Variants in GNG7 observed in about 807,000 individuals in gnomAD.
GNG7 encodes the protein guanine nucleotide-binding protein G(I)/G(S)/G(O) subunit gamma-7.
In GNG7, 1 loss-of-function variant was observed where a neutral mutation model predicts 4.0. The observed-to-expected ratio is 0.25, with a 90% CI of 0.09 to 1.18. The LOEUF (loss-of-function observed/expected upper bound fraction) is 1.18, where lower values mean the gene tolerates loss of function less well. Among genes scored for constraint, GNG7 ranks in the 50% most tolerant of loss-of-function variants. The pLI, the probability that GNG7 is intolerant of heterozygous loss-of-function variation, is 0.50. For synonymous variants in GNG7, 34 were observed against 36.9 expected, an observed-to-expected ratio of 0.92 and a Z score of 0.29; for missense variants, 86 against 91.9, an observed-to-expected ratio of 0.94 and a Z score of 0.26.
At chr19:2,583,517 T>C (rs1046180999) in intron 2 of GNG7, among the ~76,000 whole-genome samples, 1 of 152,126 alleles carries the variant, frequency 6.6e-6, no homozygotes, top group Non-Finnish European at 1.5e-5. Context: ...CAAGACCCCT[T>C]GTTGGTGCAG....
chr19:2,638,689 A>G (rs1276208937), intron 2 of GNG7, among the ~76,000 whole-genome samples: 2 of 144,986 alleles, frequency 1.4e-5, no homozygotes, highest in African/African-American at 5.2e-5. Context: ...TGCCAGGAGC[A>G]CCCCCCAGTC....
rs114514481 is a variant in GNG7, at chr19:2,700,316, T to A, written c.-135+2330A>T. On this transcript the variant is annotated intron_variant, in intron 1 of 4. Coordinates refer to ENST00000382159, the MANE Select transcript of GNG7 (RefSeq NM_052847.3). ...GCCACTATGCCCAGCTAATTTTTGA[T>A]ATTTTTAGTAGAGACAGGTTTTCGC... Among the ~76,000 whole-genome samples the A allele has an allele frequency of 6.4e-3, 971 of 152,198 alleles. 11 individuals are homozygous for A. The highest frequency in any genetic ancestry group is 0.022 in the African/African-American group (910 of 41,518).
chr19:2,673,873 A>G (rs375429589), intron 1 of GNG7, among the ~76,000 whole-genome samples: 5 of 152,200 alleles, frequency 3.3e-5, no homozygotes, highest in African/African-American at 1.2e-4. Flanking sequence ...TATATTTCCA[A>G]TATATTTCAG....
chr19:2,545,009 T>C (rs1485424039), intron 3 of GNG7, among the ~76,000 whole-genome samples: 1 of 152,170 alleles, frequency 6.6e-6, no homozygotes, highest in Non-Finnish European at 1.5e-5. Context: ...ACTCCTGGGA[T>C]TCACCTCCTC....
intron 2 of GNG7, among the ~76,000 whole-genome samples, chr19:2,580,392 G>C (rs1980469441): frequency 6.6e-6 from 1 of 151,148 alleles, no homozygotes; most frequent in African/African-American, 2.4e-5. Flanking sequence ...CTGGTTTCAA[G>C]AGATTCTCCT....
chr19:2,595,370 G>C (rs901429477), intron 2 of GNG7: 1 of 151,792 alleles, frequency 6.6e-6, no homozygotes, highest in African/African-American at 2.4e-5. Flanking sequence ...TCAGTTGATT[G>C]ATCCACACAC....
At chr19:2,678,220 T>C (rs562831912) in intron 1 of GNG7, among the ~76,000 whole-genome samples, 9 of 152,148 alleles carry the variant, frequency 5.9e-5, no homozygotes, top group Admixed American at 2.0e-4. Flanking sequence ...GGTGTGACTG[T>C]GGTCACTTCC....
At chr19:2,528,544 G>C (rs1180097268) in intron 3 of GNG7, among the ~76,000 whole-genome samples, 2 of 151,990 alleles carry the variant, frequency 1.3e-5, no homozygotes, top group East Asian at 1.9e-4. Context: ...TTTCCAAAAG[G>C]GCTTTAATTT....
chr19:2,654,005 G>T (rs2144869557), intron 1 of GNG7, among the ~76,000 whole-genome samples: 1 of 152,342 alleles, frequency 6.6e-6, no homozygotes, highest in African/African-American at 2.4e-5. Flanking sequence ...CTGGGACACA[G>T]ATGCTCTCCT....
chr19:2,670,009 C>CAAA (rs796312127), intron 1 of GNG7, among the ~76,000 whole-genome samples: 7 of 78,098 alleles, frequency 9.0e-5, no homozygotes, highest in African/African-American at 2.1e-4. Flanking sequence ...GACTCTGTCT[C>CAAA]AAAAAAAAAA....
chr19:2,589,308 C>T (rs58229248), intron 2 of GNG7, among the ~76,000 whole-genome samples: 12,057 of 150,578 alleles, frequency 0.08, 1,621 homozygotes, highest in African/African-American at 0.28. Context: ...CTGTAACCTC[C>T]GCCTCCTGGG....
At chr19:2,563,571 C>T (rs971861236) in intron 2 of GNG7, among the ~76,000 whole-genome samples, 2 of 151,932 alleles carry the variant, frequency 1.3e-5, no homozygotes, top group Non-Finnish European at 2.9e-5. Context: ...CCTCTGACTC[C>T]CGGGTTCAAG....
intron 1 of GNG7, among the ~76,000 whole-genome samples, chr19:2,661,167 T>A (rs1179989287): frequency 7.1e-6 from 1 of 140,164 alleles, no homozygotes; most frequent in South Asian, 2.2e-4. Context: ...GCCAAGATCG[T>A]GCCACTGCAC....
intron 2 of GNG7, among the ~76,000 whole-genome samples, chr19:2,564,992 A>T (rs1001229762): frequency 6.6e-6 from 1 of 151,324 alleles, no homozygotes; most frequent in African/African-American, 2.4e-5. Context: ...GGAGGTTGAG[A>T]CCACTCTGGT....
chr19:2,656,411 G>A (rs1339500086), intron 1 of GNG7, among the ~76,000 whole-genome samples: 2 of 152,188 alleles, frequency 1.3e-5, no homozygotes, highest in Non-Finnish European at 2.9e-5. Flanking sequence ...AGACCAGCCT[G>A]GCCAACATGG....
chr19:2,652,722 G>C (rs774749919), intron 1 of GNG7, among the ~76,000 whole-genome samples: 7 of 152,066 alleles, frequency 4.6e-5, no homozygotes, highest in Non-Finnish European at 1.0e-4. Flanking sequence ...GGGGTCAGAG[G>C]ATACATAGTT....
At chr19:2,604,145 G>A (rs1018689035) in intron 2 of GNG7, among the ~76,000 whole-genome samples, 9 of 151,494 alleles carry the variant, frequency 5.9e-5, no homozygotes, top group Non-Finnish European at 1.2e-4. Flanking sequence ...CCACCGTGCC[G>A]GGTCTCGAGA....
chr19:2,548,861 C>T (rs924746564), intron 3 of GNG7, among the ~76,000 whole-genome samples: 53 of 151,830 alleles, frequency 3.5e-4, no homozygotes, highest in Non-Finnish European at 2.6e-4. Flanking sequence ...ACCCTAATGT[C>T]AGAGATGCTG....
rs906027834 is a variant in GNG7, at chr19:2,513,567, C to A, written c.*1455G>T. ...TTCCACTTGCCGCTGGGAGGAGTGG[C>A]CCATCCTGCGTCTAAGGCATCTCCC... On this transcript the variant is annotated 3_prime_UTR_variant, in exon 5 of 5. Coordinates refer to ENST00000382159, the MANE Select transcript of GNG7 (RefSeq NM_052847.3). 1.0e-6 allele frequency: 1 copy of A among 985,534 alleles called. No homozygotes were observed. The highest frequency in any genetic ancestry group is 1.2e-6 in the Non-Finnish European group (1 of 830,010). The allele number at this position is 985,534 out of a possible 1,614,324, so 61.0% of individuals were successfully genotyped here. A position where few individuals can be genotyped will look rare whatever the true frequency, so the allele number is the denominator to read the frequency against.
Sources: gnomAD v4.1 joint callset for allele counts (sites outside exome capture counted in the v4.1 genomes callset) on GRCh38, gnomAD v4.1.1 for gene constraint, MANE v1.5 for transcripts, NCBI Gene and HGNC (gene_info 2026-07-23, HGNC 2026-07-21) for gene names.